DIAPH3: variants seen among roughly 807,000 people sequenced by gnomAD.
DIAPH3 encodes the protein protein diaphanous homolog 3.
DIAPH3 carries 117 observed loss-of-function variants against 144.3 expected under a neutral mutation model. That is an observed-to-expected ratio of 0.81 (90% CI 0.70 to 0.95). DIAPH3 has a LOEUF of 0.95. Ranked by LOEUF, DIAPH3 falls within the 40% of genes least tolerant of loss-of-function variation. The pLI, the probability that DIAPH3 is intolerant of heterozygous loss-of-function variation, is 0.00. For missense variants in DIAPH3, 1,421 were observed against 1,412.7 expected, an observed-to-expected ratio of 1.01 and a Z score of -0.09; for synonymous variants, 519 against 488.9, an observed-to-expected ratio of 1.06 and a Z score of -0.81.
chr13:59,807,152 G>C (rs898114607), intron 25 of DIAPH3, among the ~76,000 whole-genome samples: 2 of 151,780 alleles, frequency 1.3e-5, no homozygotes, highest in African/African-American at 4.8e-5. Flanking sequence ...AAGAGTTACT[G>C]TAAGAAATCA....
At chr13:59,868,261 C>G (rs2044049164) in intron 21 of DIAPH3, among the ~76,000 whole-genome samples, 1 of 152,134 alleles carries the variant, frequency 6.6e-6, no homozygotes, top group Non-Finnish European at 1.5e-5. Context: ...ATTTCTTAAT[C>G]TAATAATAAG....
chr13:60,084,564 T>TTG (rs2057687199), intron 4 of DIAPH3, among the ~76,000 whole-genome samples: 1 of 151,994 alleles, frequency 6.6e-6, no homozygotes, highest in African/African-American at 2.4e-5. Context: ...AAAAAAGGTT[T>TTG]TAAACTCACC....
In DIAPH3 at chr13:60,008,609, C is replaced by T. The variant is rs1161179296; in HGVS notation, c.949G>A (p.Glu317Lys). The change falls in exon 9 of 28, where the codon GAA (glutamate) becomes AAA (lysine). Residue 317 changes from glutamate to lysine, a missense_variant. Transcript: ENST00000400324. ...VLEALTSAGE[E>K]KKIDRFFCIV... is the part of the protein sequence containing the mutation. ...CAAAAAAATCTGTCAATTTTTTTTT[C>T]TTCACCAGCTGAAGTTAAAGCTTCT... 8.7e-6 allele frequency: 14 copies of T among 1,611,772 alleles called. No individual in the cohort carries two copies. The East Asian group carries it at 2.9e-4, about 33-fold the overall frequency.
chr13:59,852,241 G>A (rs1208685166), intron 22 of DIAPH3, among the ~76,000 whole-genome samples: 1 of 152,150 alleles, frequency 6.6e-6, no homozygotes, highest in East Asian at 1.9e-4. Flanking sequence ...AGGGGAGAAA[G>A]GACGATTACC....
chr13:59,835,348 G>A (rs1473474404), intron 23 of DIAPH3, among the ~76,000 whole-genome samples: 1 of 151,328 alleles, frequency 6.6e-6, no homozygotes, highest in African/African-American at 2.4e-5. Context: ...TTTTAACATA[G>A]TAATAAGTAT....
intron 27 of DIAPH3, among the ~76,000 whole-genome samples, chr13:59,668,559 G>A (rs1246796385): frequency 6.6e-6 from 1 of 152,146 alleles, no homozygotes; most frequent in Non-Finnish European, 1.5e-5. Flanking sequence ...CAAGAAAGTA[G>A]GGACATTGTT....
intron 4 of DIAPH3, among the ~76,000 whole-genome samples, chr13:60,063,246 C>T (rs2056836369): frequency 6.6e-6 from 1 of 152,168 alleles, no homozygotes; most frequent in Non-Finnish European, 1.5e-5. Context: ...GAAGTAACTC[C>T]TCATTTGTTG....
chr13:59,705,575 T>C (rs1050966368), intron 27 of DIAPH3, among the ~76,000 whole-genome samples: 1 of 152,238 alleles, frequency 6.6e-6, no homozygotes, highest in Non-Finnish European at 1.5e-5. Context: ...CTTGTGTGTT[T>C]TGTAAACTGG....
chr13:60,130,257 T>C (rs1176554720), intron 2 of DIAPH3, among the ~76,000 whole-genome samples: 1 of 152,164 alleles, frequency 6.6e-6, no homozygotes, highest in East Asian at 1.9e-4. Context: ...TATTCTCAAA[T>C]CTCTACAGCA....
At chr13:59,898,153 AAAAG>A (rs1810145735) in intron 20 of DIAPH3, among the ~76,000 whole-genome samples, 6 of 149,886 alleles carry the variant, frequency 4.0e-5, no homozygotes, top group Non-Finnish European at 1.5e-5. Flanking sequence ...AAAAAAAAAA[AAAAG>A]AAAAAGAAAA....
chr13:59,984,037 G>C (rs1433374580), intron 12 of DIAPH3, 150 bp from the exon 13 acceptor site: 5 of 623,380 alleles, frequency 8.0e-6, no homozygotes, highest in Non-Finnish European at 1.4e-5. Flanking sequence ...ACCTGGGAGT[G>C]AGAGTAAATA....
At chr13:59,775,633 A>G (rs1264538420) in intron 25 of DIAPH3, among the ~76,000 whole-genome samples, 1 of 152,204 alleles carries the variant, frequency 6.6e-6, no homozygotes, top group African/African-American at 2.4e-5. Context: ...ATAACAGATT[A>G]TATTTCCATG....
At chr13:59,757,823 T>C (rs1593769225) in intron 27 of DIAPH3, among the ~76,000 whole-genome samples, 1 of 152,150 alleles carries the variant, frequency 6.6e-6, no homozygotes, top group South Asian at 2.1e-4. Flanking sequence ...TGTGATAAAA[T>C]TGCATCAAAA....
chr13:59,829,237 T>A (rs1196720277), intron 24 of DIAPH3, among the ~76,000 whole-genome samples: 1 of 152,016 alleles, frequency 6.6e-6, no homozygotes, highest in Non-Finnish European at 1.5e-5. Context: ...ACTATACATA[T>A]TTTAGATCAA....
intron 25 of DIAPH3, among the ~76,000 whole-genome samples, chr13:59,784,976 A>T (rs376313829): frequency 2.6e-5 from 4 of 152,182 alleles, no homozygotes; most frequent in African/African-American, 9.7e-5. Context: ...TTCAGTCTTT[A>T]ACTAGCTAGA....
At chr13:59,823,746 T>C (rs1019550778) in intron 24 of DIAPH3, among the ~76,000 whole-genome samples, 2 of 152,086 alleles carry the variant, frequency 1.3e-5, no homozygotes, top group African/African-American at 4.8e-5. Context: ...GCATTTAGAG[T>C]TGACAAGGAT....
At chr13:60,150,114 G>A (rs963781584) in intron 1 of DIAPH3, among the ~76,000 whole-genome samples, 1 of 152,010 alleles carries the variant, frequency 6.6e-6, no homozygotes, top group African/African-American at 2.4e-5. Context: ...CACAGCTTTC[G>A]AGGTTCAAGC....
intron 1 of DIAPH3, among the ~76,000 whole-genome samples, chr13:60,135,284 C>G (rs1282844780): frequency 2.7e-5 from 4 of 148,608 alleles, no homozygotes. Context: ...CATTCTGAAA[C>G]TATCTCATTG....
intron 9 of DIAPH3, among the ~76,000 whole-genome samples, chr13:59,997,481 T>A (rs974411908): frequency 6.6e-5 from 10 of 152,138 alleles, no homozygotes; most frequent in Non-Finnish European, 1.0e-4. Flanking sequence ...ATATCTTTGC[T>A]ATTGTGAATA....
Sources: gnomAD v4.1 joint callset for allele counts (sites outside exome capture counted in the v4.1 genomes callset) on GRCh38, gnomAD v4.1.1 for gene constraint, MANE v1.5 for transcripts, NCBI Gene and HGNC (gene_info 2026-07-23, HGNC 2026-07-21) for gene names.